The following SMU1 variants were observed in gnomAD, a reference collection of about 807,000 sequenced individuals.
The protein encoded by SMU1 is SMU1 DNA replication regulator and spliceosomal factor, also known as WD40 repeat-containing protein SMU1.
In SMU1, 2 loss-of-function variants were observed where a neutral mutation model predicts 62.0. The observed-to-expected ratio is 0.03, with a 90% CI of 0.01 to 0.10. The LOEUF is 0.10. SMU1 is among the 10% of genes least tolerant of loss of function. The probability of loss-of-function intolerance (pLI) is 1.00; values close to 1 mark genes in which losing one functional copy is unlikely to be tolerated. For synonymous variants in SMU1, 188 were observed against 212.4 expected (o/e 0.89, Z 1.00); for missense variants, 227 against 622.1 (o/e 0.36, Z 6.76).
At position 33,042,014 on chromosome 9, in the gene SMU1, G is replaced by A. The variant is rs1473177396; in HGVS notation, c.*5279C>T. On this transcript the variant is annotated 3_prime_UTR_variant, in exon 12 of 12. Coordinates refer to ENST00000397149, the MANE Select transcript of SMU1 (RefSeq NM_018225.3). ...GATGACATTTTGGAAATACAATAGT[G>A]GTTGCGTAACATCGTAAATAATGCC... 2 of 152,254 alleles carry A rather than the reference G, an allele frequency of 1.3e-5. No individual in the cohort carries two copies. Among genetic ancestry groups the A allele is most frequent in the Non-Finnish European group, 2.9e-5 (2 of 68,022 alleles). 9.4% of individuals were successfully genotyped at this position (152,254 alleles called of 1,614,324 possible).
At chr9:33,050,179 G>T (rs1159048011) in intron 10 of SMU1, among the ~76,000 whole-genome samples, 1 of 152,126 alleles carries the variant, frequency 6.6e-6, no homozygotes, top group Non-Finnish European at 1.5e-5. Context: ...AAATTAAAAT[G>T]AGATACCACT....
At chr9:33,062,538 C>A (rs573195005) in intron 4 of SMU1, among the ~76,000 whole-genome samples, 12 of 152,182 alleles carry the variant, frequency 7.9e-5, no homozygotes, top group East Asian at 1.9e-4. Context: ...CTTCCCCCCC[C>A]ACATATGTGT....
chr9:33,073,464 C>G, intron 2 of SMU1, 132 bp downstream of exon 2: 1 of 615,212 alleles, frequency 1.6e-6, no homozygotes, highest in Admixed American at 3.0e-5. Context: ...AATACAATGT[C>G]AAGCCTTGCC....
At chr9:33,062,022 G>T in intron 5 of SMU1, 27 bp downstream of exon 5, 1 of 1,609,670 alleles carries the variant, frequency 6.2e-7, no homozygotes, top group South Asian at 1.1e-5. Context: ...AATGATTACT[G>T]ACTGGCTGAA....
intron 4 of SMU1, among the ~76,000 whole-genome samples, chr9:33,066,595 C>A (rs1367870965): frequency 6.6e-6 from 1 of 150,406 alleles, no homozygotes. Context: ...ATCACGAGGT[C>A]AAGAGATCGA....
chr9:33,068,673 T>G (rs1839453193), intron 4 of SMU1, 151 bp downstream of exon 4: 3 of 878,028 alleles, frequency 3.4e-6, no homozygotes, highest in Non-Finnish European at 4.9e-6. Context: ...ACCCGCTAAT[T>G]TTTTTACTTT....
At chr9:33,061,578 T>A (rs1025454024) in intron 5 of SMU1, among the ~76,000 whole-genome samples, 10 of 151,988 alleles carry the variant, frequency 6.6e-5, no homozygotes, top group Non-Finnish European at 1.3e-4. Flanking sequence ...TTTAAAAAAA[T>A]AAAAATAAAT....
intron 10 of SMU1, among the ~76,000 whole-genome samples, chr9:33,050,712 G>A (rs1273869536): frequency 4.0e-5 from 6 of 151,894 alleles, no homozygotes; most frequent in Non-Finnish European, 8.8e-5. Context: ...TGTAATCCCA[G>A]CTACTCGGGA....
rs34866457 is a variant in SMU1, at chr9:33,047,212, C to CAAAAAAAAAAA, written c.*70_*80dup. 1 of 585,276 alleles carries CAAAAAAAAAAA rather than the reference C, an allele frequency of 1.7e-6. No individual in the cohort carries two copies. Among genetic ancestry groups the CAAAAAAAAAAA allele is most frequent in the Non-Finnish European group, 2.7e-6 (1 of 374,884 alleles). The allele number at this position is 585,276 out of a possible 1,614,324, so 36.3% of individuals were successfully genotyped here. ...CAATCTATTTGCTTAGAAAAGCTGG[C>CAAAAAAAAAAA]AAAAAAAAAAAAAAGCACATTACAT... On this transcript the variant is annotated 3_prime_UTR_variant, in exon 12 of 12. Coordinates refer to ENST00000397149, the MANE Select transcript of SMU1 (RefSeq NM_018225.3).
chr9:33,063,606 G>C (rs561104462), intron 4 of SMU1, among the ~76,000 whole-genome samples: 4 of 152,248 alleles, frequency 2.6e-5, no homozygotes, highest in South Asian at 4.1e-4. Context: ...GAGTAGCCAG[G>C]GAGCAAGAGC....
intron 7 of SMU1, 164 bp from the exon 8 acceptor site, chr9:33,057,128 T>G: frequency 3.9e-6 from 1 of 257,628 alleles, no homozygotes; most frequent in Non-Finnish European, 6.1e-6. Flanking sequence ...AGTACAATGG[T>G]AACTGAATCC....
At chr9:33,055,853 T>A (rs1345772008) in intron 9 of SMU1, among the ~76,000 whole-genome samples, 1 of 152,196 alleles carries the variant, frequency 6.6e-6, no homozygotes, top group Non-Finnish European at 1.5e-5. Context: ...ATGGCTTAAG[T>A]TTAGGACTCT....
At chr9:33,063,438 T>C (rs1326212274) in intron 4 of SMU1, among the ~76,000 whole-genome samples, 2 of 152,182 alleles carry the variant, frequency 1.3e-5, no homozygotes, top group African/African-American at 4.8e-5. Flanking sequence ...CATGTTCACA[T>C]AATAAGCACA....
chr9:33,069,818 CAAAT>C (rs1161398458), intron 3 of SMU1, among the ~76,000 whole-genome samples: 4 of 151,584 alleles, frequency 2.6e-5, no homozygotes, highest in Non-Finnish European at 4.4e-5. Context: ...AATAAATAAA[CAAAT>C]AAATAAATAA....
At chr9:33,047,922 G>A (rs1839204387) in intron 11 of SMU1, among the ~76,000 whole-genome samples, 184 bp downstream of exon 11, 1 of 151,590 alleles carries the variant, frequency 6.6e-6, no homozygotes, top group African/African-American at 2.4e-5. Flanking sequence ...CGAGATTTGG[G>A]GATCATCATA....
In SMU1 at chr9:33,042,669, C is replaced by A. The variant is rs767844923; in HGVS notation, c.*4624G>T. The A allele has an allele frequency of 2.6e-5, 4 of 152,208 alleles. No individual in the cohort carries two copies. The highest frequency in any genetic ancestry group is 4.4e-5 in the Non-Finnish European group (3 of 68,066). 9.4% of individuals were successfully genotyped at this position (152,208 alleles called of 1,614,324 possible). On this transcript the variant is annotated 3_prime_UTR_variant, in exon 12 of 12. Transcript: ENST00000397149. ...CCCACCCTCCAGGGATTCTGTATAA[C>A]TCGGCTGGGTGTAGCCTAAGCATCA...
intron 10 of SMU1, among the ~76,000 whole-genome samples, chr9:33,051,739 G>C (rs1042114593): frequency 6.6e-6 from 1 of 152,180 alleles, no homozygotes; most frequent in Non-Finnish European, 1.5e-5. Context: ...TGTAGCATGA[G>C]AGTTTCTTTG....
rs74529830 is a variant in SMU1, at chr9:33,072,376, T to C, written c.238-484A>G. ...AATAATTTCAATCCTTCAAACTCTA[T>C]CCTTCATTTTTATCTACCAATCTCC... is the stretch of plus-strand genomic sequence containing the variant. On this transcript the variant is annotated intron_variant, in intron 2 of 11. Coordinates refer to ENST00000397149, the MANE Select transcript of SMU1 (RefSeq NM_018225.3). Among the ~76,000 whole-genome samples, 1,230 of 152,134 alleles carry C rather than the reference T, an allele frequency of 8.1e-3. 14 individuals carry two copies. Among genetic ancestry groups the C allele is most frequent in the African/African-American group, 0.027 (1,127 of 41,530 alleles).
intron 3 of SMU1, among the ~76,000 whole-genome samples, chr9:33,070,760 C>A (rs145703817): frequency 6.6e-6 from 1 of 151,990 alleles, no homozygotes; most frequent in Non-Finnish European, 1.5e-5. Flanking sequence ...TTATGGTAAG[C>A]GAAATAAGCC....
Sources: allele counts gnomAD v4.1 joint callset (sites outside exome capture counted in the v4.1 genomes callset), GRCh38; gene constraint gnomAD v4.1.1; transcripts MANE v1.5; gene names NCBI Gene and HGNC (gene_info 2026-07-23, HGNC 2026-07-21).